Variants in REDIC1 observed in about 807,000 individuals in gnomAD.
The protein encoded by REDIC1 is regulator of DNA class I crossover intermediates 1.
the REDIC1 span, among the ~76,000 whole-genome samples, chr12:39,724,352 C>G: frequency 6.6e-6 from 1 of 152,056 alleles, no homozygotes; most frequent in Non-Finnish European, 1.5e-5. Flanking sequence ...GGCAGTAGGT[C>G]CTGGGAATCT....
the REDIC1 span, among the ~76,000 whole-genome samples, chr12:39,696,842 T>G: frequency 6.6e-6 from 1 of 152,086 alleles, no homozygotes; most frequent in Non-Finnish European, 1.5e-5. Flanking sequence ...AAAGAATTAG[T>G]GAGCTTGAAA....
chr12:39,893,742 C>T, the REDIC1 span, among the ~76,000 whole-genome samples: 7 of 152,256 alleles, frequency 4.6e-5, no homozygotes, highest in African/African-American at 1.7e-4. Flanking sequence ...GTCTTAGTTT[C>T]TTCATTTTCA....
chr12:39,833,019 C>G, the REDIC1 span, among the ~76,000 whole-genome samples: 3 of 152,024 alleles, frequency 2.0e-5, no homozygotes, highest in Non-Finnish European at 2.9e-5. Flanking sequence ...TTCTTAGCCC[C>G]CTGATTTCTA....
the REDIC1 span, chr12:39,756,339 T>C: frequency 1.3e-5 from 2 of 151,938 alleles, no homozygotes; most frequent in Non-Finnish European, 3.0e-5. Flanking sequence ...AGGTCTTAAT[T>C]TGGTAATTAA....
chr12:39,751,975 A>T, the REDIC1 span, among the ~76,000 whole-genome samples: 2 of 152,198 alleles, frequency 1.3e-5, no homozygotes, highest in East Asian at 3.9e-4. Context: ...TGGGTGCAGC[A>T]CACCAGCATG....
At chr12:39,727,661 A>G in the REDIC1 span, among the ~76,000 whole-genome samples, 2 of 151,666 alleles carry the variant, frequency 1.3e-5, no homozygotes, top group Non-Finnish European at 3.0e-5. Flanking sequence ...AAGAAAGTCT[A>G]ATTCTGTGAA....
chr12:39,765,838 T>C, the REDIC1 span, among the ~76,000 whole-genome samples: 1 of 152,100 alleles, frequency 6.6e-6, no homozygotes. Flanking sequence ...ACCTAGGTAT[T>C]AAGCCCCATG....
chr12:39,747,105 G>T, the REDIC1 span, among the ~76,000 whole-genome samples: 2 of 152,322 alleles, frequency 1.3e-5, no homozygotes, highest in Non-Finnish European at 1.5e-5. Context: ...AGAGAAGAAG[G>T]CTTCAGATGA....
the REDIC1 span, chr12:39,643,975 T>A: frequency 7.8e-7 from 1 of 1,281,874 alleles, no homozygotes; most frequent in Non-Finnish European, 1.1e-6. Flanking sequence ...TAATGTTTAG[T>A]CTTCTAATTA....
chr12:39,905,805 C>A, the REDIC1 span, among the ~76,000 whole-genome samples: 1 of 129,676 alleles, frequency 7.7e-6, no homozygotes, highest in Non-Finnish European at 1.6e-5. Flanking sequence ...GGTACTAGGC[C>A]TTTATTAAAA....
chr12:39,640,984 G>T, the REDIC1 span: 2 of 1,610,004 alleles, frequency 1.2e-6, 1 homozygote, highest in East Asian at 4.5e-5. Context: ...CAGGAAAGAA[G>T]AAAGCAAAAG....
At chr12:39,842,665 T>A in the REDIC1 span, among the ~76,000 whole-genome samples, 1 of 152,072 alleles carries the variant, frequency 6.6e-6, no homozygotes, top group African/African-American at 2.4e-5. Context: ...TTAACAATGT[T>A]AAAGCTTGCA....
chr12:39,825,825 A>G, the REDIC1 span, among the ~76,000 whole-genome samples: 1 of 152,094 alleles, frequency 6.6e-6, no homozygotes, highest in Non-Finnish European at 1.5e-5. Flanking sequence ...TGCTAACTCT[A>G]CAGGCTTACT....
the REDIC1 span, among the ~76,000 whole-genome samples, chr12:39,681,818 A>G: frequency 3.3e-5 from 5 of 152,208 alleles, no homozygotes; most frequent in Non-Finnish European, 5.9e-5. Flanking sequence ...ATAATTTAAA[A>G]ATAGTTATTA....
At chr12:39,825,419 C>T in the REDIC1 span, among the ~76,000 whole-genome samples, 4 of 152,134 alleles carry the variant, frequency 2.6e-5, no homozygotes, top group African/African-American at 9.7e-5. Flanking sequence ...TACTCAGTTG[C>T]TGCTCCCCTA....
the REDIC1 span, among the ~76,000 whole-genome samples, chr12:39,892,151 T>C: frequency 6.6e-6 from 1 of 152,170 alleles, no homozygotes; most frequent in East Asian, 1.9e-4. Flanking sequence ...GCTACTTACA[T>C]TGTAAGTAAT....
the REDIC1 span, among the ~76,000 whole-genome samples, chr12:39,664,859 C>T: frequency 1.3e-5 from 2 of 152,172 alleles, no homozygotes; most frequent in Non-Finnish European, 2.9e-5. Flanking sequence ...TGTCTGTTGG[C>T]TGCATAAATG....
the REDIC1 span, among the ~76,000 whole-genome samples, chr12:39,676,912 A>G: frequency 7.9e-5 from 12 of 152,148 alleles, no homozygotes; most frequent in Non-Finnish European, 1.3e-4. Context: ...AGAATTCACC[A>G]CTACCAAGCC....
the REDIC1 span, among the ~76,000 whole-genome samples, chr12:39,711,492 T>C: frequency 7.0e-6 from 1 of 143,260 alleles, no homozygotes; most frequent in Non-Finnish European, 1.5e-5. Context: ...TATATATGTA[T>C]ATAAGTATGT....
Sources: allele counts gnomAD v4.1 joint callset (sites outside exome capture counted in the v4.1 genomes callset), GRCh38; gene constraint gnomAD v4.1.1; transcripts MANE v1.5; gene names NCBI Gene and HGNC (gene_info 2026-07-23, HGNC 2026-07-21).